F5: variants seen among roughly 807,000 people sequenced by gnomAD.
F5 encodes coagulation factor V.
In F5, 138 loss-of-function variants were observed where a neutral mutation model predicts 216.4. That is an observed-to-expected ratio of 0.64 (90% CI 0.56 to 0.73). F5 has a LOEUF of 0.73. F5 is among the 30% of genes least tolerant of loss of function. F5 has a pLI of 0.00. For synonymous variants in F5, 916 were observed against 930.7 expected, an observed-to-expected ratio of 0.98 and a Z score of 0.29; for missense variants, 2,403 against 2,674.0, an observed-to-expected ratio of 0.90 and a Z score of 2.24.
intron 24 of F5, among the ~76,000 whole-genome samples, chr1:169,515,115 C>A (rs528537887): frequency 6.6e-6 from 1 of 152,220 alleles, no homozygotes; most frequent in South Asian, 2.1e-4. Context: ...TTGGCATGTA[C>A]CTTATATCCT....
At position 169,542,909 on chromosome 1, in the gene F5, C is replaced by A; in HGVS notation, c.2181G>T (p.Gln727His). 6.2e-7 allele frequency: 1 copy of A among 1,614,100 alleles called. No individual in the cohort carries two copies. Among genetic ancestry groups the A allele is most frequent in the Non-Finnish European group, 8.5e-7 (1 of 1,179,990 alleles). Residue 727 changes from glutamine to histidine, a missense_variant, in exon 13 of 25, where the codon CAG becomes CAT. Gln to His is a conservative substitution (Grantham distance 24). Around this residue, in one of 4 missense-constraint regions of F5, gnomAD observed 1,425 missense variants for 1,554.8 expected, o/e 0.92. Coordinates refer to ENST00000367797, the MANE Select transcript of F5 (RefSeq NM_000130.5). ...TTCCTAATGCTGCAGCCAGTCTGTT[C>A]TGGTAATCATAGTCAGCATCACTCT... ...DEESDADYDY[Q>H]NRLAAALGIR...
intron 3 of F5, among the ~76,000 whole-genome samples, chr1:169,568,163 A>G (rs916843134): frequency 2.0e-5 from 3 of 152,138 alleles, no homozygotes; most frequent in African/African-American, 7.2e-5. Flanking sequence ...AATTACTCAG[A>G]ATTTCACATT....
rs770097933 is a variant in F5, at chr1:169,549,977, C to T, written c.1435G>A (p.Glu479Lys). The change falls in exon 10 of 25, where the codon GAA (glutamate) becomes AAA (lysine). Residue 479 changes from glutamate (E) to lysine (K), a missense_variant. Physicochemically the swap from Glu to Lys is moderately conservative, Grantham distance 56 (BLOSUM62 1). Transcript: ENST00000367797. ...NTMIRAVQPG[E>K]TYTYKWNILE... Reference sequence around the variant, plus strand: ...ATGTTCCACTTATAAGTATAGGTTTCCCCTGGTTGAACTGCTCTGATCATG... The same window carrying T: ...ATGTTCCACTTATAAGTATAGGTTTTCCCTGGTTGAACTGCTCTGATCATG... The T allele has an allele frequency of 1.9e-6, 3 of 1,614,074 alleles. No individual in the cohort carries two copies. Among genetic ancestry groups the T allele is most frequent in the South Asian group, 2.2e-5 (2 of 91,078 alleles).
rs56901113 is a variant in F5, at chr1:169,582,311, T to TAAAA, written c.250+116_250+119dup. On this transcript the variant is annotated intron_variant, in intron 2 of 24. Transcript: ENST00000367797. Reference sequence around the variant, plus strand: ...CACATATTATGTAGCCAGTACTTCTTAAAAAAAAAACCACACGTTTCTATA... The same window carrying TAAAA: ...CACATATTATGTAGCCAGTACTTCTTAAAAAAAAAAAAAACCACACGTTTCTATA... 2.5e-3 allele frequency: 1,334 copies of TAAAA among 525,732 alleles called. 12 individuals carry two copies. The highest frequency in any genetic ancestry group is 0.022 in the African/African-American group (1,127 of 51,102). 32.6% of individuals were successfully genotyped at this position (525,732 alleles called of 1,614,324 possible).
intron 2 of F5, among the ~76,000 whole-genome samples, chr1:169,579,916 C>T (rs191315614): frequency 5.3e-5 from 8 of 152,132 alleles, no homozygotes; most frequent in Non-Finnish European, 1.2e-4. Flanking sequence ...CTCCCTATTC[C>T]TCTCAATATA....
intron 2 of F5, among the ~76,000 whole-genome samples, chr1:169,575,773 G>C (rs1232418996): frequency 1.3e-5 from 2 of 152,030 alleles, no homozygotes; most frequent in African/African-American, 4.8e-5. Flanking sequence ...CCGTGGGAGG[G>C]CTTTGTTTGG....
At chr1:169,562,075 T>G (rs1660497540) in intron 3 of F5, among the ~76,000 whole-genome samples, 2 of 152,110 alleles carry the variant, frequency 1.3e-5, no homozygotes, top group African/African-American at 4.8e-5. Flanking sequence ...TTTACCACTT[T>G]TAAGTATAAT....
intron 3 of F5, among the ~76,000 whole-genome samples, chr1:169,570,497 C>G (rs1382128576): frequency 1.3e-5 from 2 of 152,124 alleles, no homozygotes; most frequent in African/African-American, 4.8e-5. Context: ...GTTCCCACTA[C>G]CTCACCCAGA....
chr1:169,514,863 T>C (rs1659123005), intron 24 of F5, among the ~76,000 whole-genome samples: 1 of 152,146 alleles, frequency 6.6e-6, no homozygotes, highest in African/African-American at 2.4e-5. Flanking sequence ...TGCAAAACCA[T>C]TTCTGCCTTC....
intron 2 of F5, among the ~76,000 whole-genome samples, chr1:169,580,392 T>TG (rs2101845546): frequency 6.6e-6 from 1 of 151,928 alleles, no homozygotes; most frequent in East Asian, 1.9e-4. Context: ...GTTGTTGTTT[T>TG]TTTTTTTTTG....
intron 2 of F5, among the ~76,000 whole-genome samples, chr1:169,577,566 T>C (rs1265259714): frequency 3.0e-5 from 1 of 32,946 alleles, no homozygotes; most frequent in African/African-American, 2.4e-4. Flanking sequence ...TTTAAATATA[T>C]ATATATATAT....
chr1:169,555,177 C>A lies in F5; in HGVS notation c.1118+5G>T. On this transcript the variant is annotated splice_donor_5th_base_variant and intron_variant, in intron 7 of 24. Transcript: ENST00000367797. ...TGCCCAGTGGTATGAACCCCAACAA[C>A]TCACTTGTCCATATTCGCTGGTATT... 6.2e-7 allele frequency: 1 copy of A among 1,614,096 alleles called. No homozygotes were observed. The highest frequency in any genetic ancestry group is 8.5e-7 in the Non-Finnish European group (1 of 1,179,962).
chr1:169,538,941 A>G (rs1659769160), intron 13 of F5, among the ~76,000 whole-genome samples: 1 of 152,152 alleles, frequency 6.6e-6, no homozygotes, highest in South Asian at 2.1e-4. Flanking sequence ...CCTGGGAGAA[A>G]CTGGGTAAAG....
At position 169,582,311 on chromosome 1, in the gene F5, T is replaced by TAAA. The variant is rs56901113; in HGVS notation, c.250+117_250+119dup. ...CACATATTATGTAGCCAGTACTTCT[T>TAAA]AAAAAAAAAACCACACGTTTCTATA... On this transcript the variant is annotated intron_variant, in intron 2 of 24. Transcript: ENST00000367797. 4,978 of 524,882 alleles carry TAAA rather than the reference T, an allele frequency of 9.5e-3. 31 individuals carry two copies. Among genetic ancestry groups the TAAA allele is most frequent in the African/African-American group, 0.036 (1,842 of 51,034 alleles). The allele number at this position is 524,882 out of a possible 1,614,324, so 32.5% of individuals were successfully genotyped here.
At chr1:169,514,509 G>A (rs767572948) in intron 24 of F5, 50 bp from the exon 25 acceptor site, 10 of 1,557,914 alleles carry the variant, frequency 6.4e-6, no homozygotes, top group Non-Finnish European at 8.8e-6. Context: ...AATGGCTAAG[G>A]TTTTTTGTTT....
In F5 at chr1:169,550,637, A is replaced by T. The variant is rs753165207; in HGVS notation, c.1396+3T>A. 1.9e-6 allele frequency: 3 copies of T among 1,611,086 alleles called. No homozygotes were observed. The highest frequency in any genetic ancestry group is 4.5e-5 in the East Asian group (2 of 44,842). ...GGATTCAGTAGAAGTGAAAGATTCA[A>T]ACCTGAGGTGAAAGAAGAGTTGACT... On this transcript the variant is annotated splice_donor_region_variant and intron_variant, in intron 9 of 24. Transcript: ENST00000367797.
intron 3 of F5, among the ~76,000 whole-genome samples, chr1:169,571,888 G>A (rs1033691486): frequency 1.3e-5 from 2 of 152,004 alleles, no homozygotes; most frequent in African/African-American, 2.4e-5. Context: ...GGCCCTTTAC[G>A]GAAAAATTTA....
intron 8 of F5, among the ~76,000 whole-genome samples, chr1:169,551,096 A>C (rs1476416287): frequency 6.6e-6 from 1 of 151,938 alleles, no homozygotes; most frequent in Admixed American, 6.6e-5. Flanking sequence ...TCTGCTTCTC[A>C]TCTCTAGACC....
intron 11 of F5, among the ~76,000 whole-genome samples, chr1:169,546,051 T>A (rs1372651276): frequency 2.0e-5 from 3 of 152,180 alleles, no homozygotes; most frequent in Non-Finnish European, 4.4e-5. Context: ...TTTGGATTAC[T>A]TGCCTTCTTT....
Sources: gnomAD v4.1 joint callset for allele counts (sites outside exome capture counted in the v4.1 genomes callset) on GRCh38, gnomAD v4.1.1 for gene constraint, gnomAD v4.1.1 regional missense constraint, MANE v1.5 for transcripts, NCBI Gene and HGNC (gene_info 2026-07-23, HGNC 2026-07-21) for gene names.